The following GSE1 variants were observed in gnomAD, a reference collection of about 807,000 sequenced individuals.
GSE1 encodes the protein genetic suppressor element 1.
In GSE1, 32 loss-of-function variants were observed where a neutral mutation model predicts 112.6. That is an observed-to-expected ratio of 0.28 (90% CI 0.21 to 0.38). The LOEUF (loss-of-function observed/expected upper bound fraction) is 0.38. Ranked by LOEUF, GSE1 falls within the 10% of genes least tolerant of loss-of-function variation. The pLI, the probability that GSE1 is intolerant of heterozygous loss-of-function variation, is 1.00. For synonymous variants in GSE1, 1,115 were observed against 735.6 expected (o/e 1.52, Z -8.35); for missense variants, 2,348 against 1,699.2 (o/e 1.38, Z -6.71).
rs556463894 is a variant in GSE1 at position 85,334,739 on chromosome 16, T to G, written c.2284-22724T>G. ...AAAATATGGCTGTAGGAGACCAGAATGTGCCACCCCAAAATATACTTCATC... is the reference window on the plus strand; with the variant it reads ...AAAATATGGCTGTAGGAGACCAGAAGGTGCCACCCCAAAATATACTTCATC... On this transcript the variant is annotated intron_variant, in intron 1 of 2. Coordinates refer to the GSE1 transcript ENST00000637419. Among the ~76,000 whole-genome samples, 105 of 152,306 alleles carry G rather than the reference T, an allele frequency of 6.9e-4. 4 individuals are homozygous for G. Among genetic ancestry groups the G allele is most frequent in the Non-Finnish European group, 8.2e-4 (56 of 68,036 alleles).
Position 85,174,210 on chromosome 16 carries a change from T to C in GSE1, c.2283+2403T>C, listed in dbSNP as rs190603714. Among the ~76,000 whole-genome samples, 46 of 152,258 alleles carry C rather than the reference T, an allele frequency of 3.0e-4. No individual in the cohort carries two copies. The East Asian group carries it at 8.9e-3, about 29-fold the overall frequency. On this transcript the variant is annotated intron_variant, in intron 1 of 2. Transcript: ENST00000637419. The stretch of plus-strand genomic sequence containing the variant: ...CTGTTGGGGATGAGAGGAAATAAGG[T>C]TGGAGTGAACTCCAGGCCTTGAAAT...
intron 1 of GSE1, among the ~76,000 whole-genome samples, chr16:85,628,644 C>T (rs1032446197): frequency 3.9e-5 from 6 of 152,302 alleles, no homozygotes; most frequent in South Asian, 2.1e-4. Context: ...GACAGCCCCA[C>T]GCTTTTGTTG....
At chr16:85,236,235 G>A (rs1904648752) in intron 1 of GSE1, among the ~76,000 whole-genome samples, 1 of 152,212 alleles carries the variant, frequency 6.6e-6, no homozygotes, top group African/African-American at 2.4e-5. Context: ...AGGCCCGGAG[G>A]GGTGAAGGGC....
intron 1 of GSE1, among the ~76,000 whole-genome samples, chr16:85,616,120 A>G (rs1309405792): frequency 8.5e-5 from 13 of 152,236 alleles, no homozygotes; most frequent in Admixed American, 8.5e-4. Context: ...AAGTCTGCAC[A>G]GCGCCACTCT....
upstream of GSE1, among the ~76,000 whole-genome samples, chr16:85,609,796 A>C (rs978663653): frequency 3.9e-5 from 6 of 152,088 alleles, no homozygotes; most frequent in African/African-American, 1.4e-4. Context: ...ATGGGACTAC[A>C]GGCACACGCC....
At chr16:85,472,525 T>C (rs1032690280) in intron 2 of GSE1, among the ~76,000 whole-genome samples, 2 of 152,224 alleles carry the variant, frequency 1.3e-5, no homozygotes, top group Non-Finnish European at 2.9e-5. Flanking sequence ...GGCCTCATCT[T>C]ACCTAATTAT....
intron 2 of GSE1, among the ~76,000 whole-genome samples, chr16:85,483,047 A>G (rs1336668662): frequency 1.3e-5 from 2 of 152,154 alleles, no homozygotes; most frequent in African/African-American, 2.4e-5. Flanking sequence ...AAGATTCCAC[A>G]CATAAGGACT....
intron 2 of GSE1, among the ~76,000 whole-genome samples, chr16:85,410,301 C>G (rs1424095721): frequency 1.8e-5 from 1 of 55,820 alleles, no homozygotes; most frequent in African/African-American, 1.2e-4. Context: ...TCAGGGCCCC[C>G]TGGATAATCC....
intron 2 of GSE1, among the ~76,000 whole-genome samples, chr16:85,469,139 C>T (rs1414563186): frequency 1.3e-5 from 2 of 152,054 alleles, no homozygotes; most frequent in African/African-American, 4.8e-5. Context: ...GCCTGTAATC[C>T]CAGCCACTCG....
chr16:85,657,076 C>T (rs1375251738), intron 7 of GSE1, among the ~76,000 whole-genome samples: 1 of 152,220 alleles, frequency 6.6e-6, no homozygotes, highest in East Asian at 1.9e-4. Context: ...TGCCAGCCAG[C>T]CACGGAGCGT....
At chr16:85,187,356 C>T (rs772746166) in intron 1 of GSE1, among the ~76,000 whole-genome samples, 1 of 152,252 alleles carries the variant, frequency 6.6e-6, no homozygotes, top group Non-Finnish European at 1.5e-5. Flanking sequence ...GTGCTGGGGG[C>T]AGCTTCAGGC....
At chr16:85,410,196 C>T (rs1170726062) in intron 2 of GSE1, among the ~76,000 whole-genome samples, 1 of 30,516 alleles carries the variant, frequency 3.3e-5, no homozygotes, top group Non-Finnish European at 5.6e-5. Flanking sequence ...CTGTTACACT[C>T]AGGCCCCCGG....
intron 1 of GSE1, among the ~76,000 whole-genome samples, chr16:85,632,535 G>A (rs960385177): frequency 6.6e-6 from 1 of 152,166 alleles, no homozygotes; most frequent in Non-Finnish European, 1.5e-5. Context: ...GGTCTTGAGG[G>A]GGTCCTCTCC....
chr16:85,464,530 CTG>C (rs1404940188), intron 2 of GSE1, among the ~76,000 whole-genome samples: 4 of 152,350 alleles, frequency 2.6e-5, no homozygotes, highest in South Asian at 2.1e-4. Flanking sequence ...GCCTCACCAG[CTG>C]TGTGACCTTG....
At chr16:85,387,399 G>C (rs2047711743) in intron 2 of GSE1, among the ~76,000 whole-genome samples, 1 of 152,176 alleles carries the variant, frequency 6.6e-6, no homozygotes, top group African/African-American at 2.4e-5. Flanking sequence ...TGAAGCCGTT[G>C]TGGCTCCTGC....
At chr16:85,514,814 C>T (rs372924149) in intron 2 of GSE1, among the ~76,000 whole-genome samples, 8 of 152,334 alleles carry the variant, frequency 5.3e-5, no homozygotes, top group African/African-American at 1.9e-4. Context: ...AATAGCTCCT[C>T]TCCCTGTCCC....
intron 2 of GSE1, among the ~76,000 whole-genome samples, chr16:85,366,063 G>T (rs1337589375): frequency 1.3e-5 from 2 of 152,252 alleles, no homozygotes; most frequent in African/African-American, 2.4e-5. Flanking sequence ...GACGGCTTTT[G>T]TCTCTTTTTT....
chr16:85,181,141 G>A (rs892162372), intron 1 of GSE1, among the ~76,000 whole-genome samples: 3 of 152,188 alleles, frequency 2.0e-5, no homozygotes, highest in African/African-American at 7.2e-5. Flanking sequence ...CGCTGGCCCC[G>A]GGATCCTTCT....
chr16:85,357,329 C>A, intron 1 of GSE1: 1 of 435,712 alleles, frequency 2.3e-6, no homozygotes, highest in Non-Finnish European at 3.6e-6. Context: ...CCTGAGCCAG[C>A]CAGTCTGAGT....
Sources: gnomAD v4.1 joint callset for allele counts (sites outside exome capture counted in the v4.1 genomes callset) on GRCh38, gnomAD v4.1.1 for gene constraint, MANE v1.5 for transcripts, NCBI Gene and HGNC (gene_info 2026-07-23, HGNC 2026-07-21) for gene names.